GNB5: variants seen among roughly 807,000 people sequenced by gnomAD.
GNB5 encodes the protein guanine nucleotide-binding protein subunit beta-5.
In GNB5, 37 loss-of-function variants were observed where a neutral mutation model predicts 55.3. The ratio of observed to expected loss-of-function variants is 0.67; its 90% CI spans 0.51 to 0.88. The LOEUF (loss-of-function observed/expected upper bound fraction) is 0.88, where lower values mean the gene tolerates loss of function less well. Among genes scored for constraint, GNB5 ranks in the 40% least tolerant of loss-of-function variants. The pLI, the probability that GNB5 is intolerant of heterozygous loss-of-function variation, is 0.00. For synonymous variants in GNB5, 219 were observed against 198.5 expected (o/e 1.10, Z -0.87); for missense variants, 476 against 515.3 (o/e 0.92, Z 0.74).
chr15:52,126,015 C>T lies in GNB5; in HGVS notation c.942G>A (p.Arg314=). The part of the protein sequence containing the change: ...TCRLYDLRAD[R]EVAIYSKESI... ...TTTCTTTGGAATAGATGGCAACCTCCCTATCTGCCCGCAGGTCATAGAGGC... is the reference window on the plus strand; with the variant it reads ...TTTCTTTGGAATAGATGGCAACCTCTCTATCTGCCCGCAGGTCATAGAGGC... Residue 314 remains arginine (R), a synonymous_variant, in exon 11 of 13, where the codon AGG becomes AGA. Transcript: ENST00000261837. 1 of 1,583,720 alleles carries T rather than the reference C, an allele frequency of 6.3e-7. No individual in the cohort carries two copies. The highest frequency in any genetic ancestry group is 8.7e-7 in the Non-Finnish European group (1 of 1,155,032).
At chr15:52,137,237 G>A in intron 7 of GNB5, 1 of 1,162,170 alleles carries the variant, frequency 8.6e-7, no homozygotes. Flanking sequence ...CGCTTGGGGA[G>A]TTGACATCAC....
rs1371270091 is a variant in GNB5, at chr15:52,119,726, G to A, written c.*3031C>T. 6.6e-6 allele frequency: 1 copy of A among 152,106 alleles called. No homozygotes were observed. The highest frequency in any genetic ancestry group is 2.4e-5 in the African/African-American group (1 of 41,384). The allele number at this position is 152,106 out of a possible 1,614,324, so 9.4% of individuals were successfully genotyped here. A position where few individuals can be genotyped will look rare whatever the true frequency, so the allele number is the denominator to read the frequency against. ...ACTCAGATATTATCATATATTCTGT[G>A]ACCGTGACAGAGGTGGGTGTGAATG... On this transcript the variant is annotated 3_prime_UTR_variant, in exon 13 of 13. Coordinates refer to ENST00000261837, the MANE Select transcript of GNB5 (RefSeq NM_016194.4).
chr15:52,169,040 C>G (rs1165639361), intron 3 of GNB5, among the ~76,000 whole-genome samples: 2 of 152,156 alleles, frequency 1.3e-5, no homozygotes, highest in Non-Finnish European at 2.9e-5. Context: ...TAGGCAATAC[C>G]AGGCCGGATG....
At chr15:52,148,030 C>T (rs998987405) in intron 5 of GNB5, among the ~76,000 whole-genome samples, 2 of 149,442 alleles carry the variant, frequency 1.3e-5, no homozygotes, top group African/African-American at 2.5e-5. Context: ...GTCACATATT[C>T]GAAAAGTTAA....
chr15:52,161,823 A>G (rs978885380), intron 3 of GNB5, among the ~76,000 whole-genome samples: 5 of 152,244 alleles, frequency 3.3e-5, no homozygotes, highest in African/African-American at 1.2e-4. Flanking sequence ...ACGGGTCCCA[A>G]CTGGATGGCA....
At chr15:52,158,183 G>A (rs1357421882) in intron 3 of GNB5, among the ~76,000 whole-genome samples, 1 of 152,104 alleles carries the variant, frequency 6.6e-6, no homozygotes, top group African/African-American at 2.4e-5. Flanking sequence ...TAAAAATCCA[G>A]GCTCTGGATT....
intron 3 of GNB5, among the ~76,000 whole-genome samples, chr15:52,167,230 C>G (rs1472187096): frequency 1.3e-5 from 2 of 152,166 alleles, no homozygotes; most frequent in African/African-American, 4.8e-5. Flanking sequence ...AGATTTACAG[C>G]TGAATTTTAC....
In GNB5 at chr15:52,128,205, A is replaced by T; in HGVS notation, c.903T>A (p.Asp301Glu). 1 of 1,609,564 alleles carries T rather than the reference A, an allele frequency of 6.2e-7. No homozygotes were observed. The highest frequency in any genetic ancestry group is 8.5e-7 in the Non-Finnish European group (1 of 1,175,830). ...AAACTTAGAAACATACCGTAGCGTC[A>T]TCTGACCCTGAAGCAAAGGCATCTC... ...PSGDAFASGS[D>E]DATCRLYDLR... Residue 301 changes from aspartate (D) to glutamate (E), a missense_variant, in exon 10 of 13, where the codon GAT becomes GAA. Transcript: ENST00000261837.
At chr15:52,161,860 G>A (rs929252414) in intron 3 of GNB5, among the ~76,000 whole-genome samples, 4 of 152,204 alleles carry the variant, frequency 2.6e-5, no homozygotes, top group African/African-American at 4.8e-5. Flanking sequence ...CATGTGGACC[G>A]GTAGTCTTCA....
rs111248796 is a variant in GNB5 at position 52,135,285 on chromosome 15, A to G, written c.771+328T>C. ...CTCTCTGCTATTTACTTGAGGAATG[A>G]CATTTTAAAATGTGGCAGATATGCA... On this transcript the variant is annotated intron_variant, in intron 8 of 12. Coordinates refer to ENST00000261837, the MANE Select transcript of GNB5 (RefSeq NM_016194.4). 3.4e-3 allele frequency among the ~76,000 whole-genome samples: 519 copies of G among 152,256 alleles called. 4 individuals are homozygous for G. Among genetic ancestry groups the G allele is most frequent in the African/African-American group, 0.012 (499 of 41,552 alleles).
intron 3 of GNB5, among the ~76,000 whole-genome samples, chr15:52,167,721 G>A (rs2034477958): frequency 6.6e-6 from 1 of 151,590 alleles, no homozygotes; most frequent in Non-Finnish European, 1.5e-5. Context: ...TATCCCTGAT[G>A]AACATTGGTG....
intron 3 of GNB5, among the ~76,000 whole-genome samples, chr15:52,162,109 C>T (rs2034348991): frequency 6.6e-6 from 1 of 152,140 alleles, no homozygotes; most frequent in Non-Finnish European, 1.5e-5. Flanking sequence ...AGCCCCCTTG[C>T]TTCTCAGAAA....
intron 6 of GNB5, among the ~76,000 whole-genome samples, chr15:52,143,644 C>T (rs1014650354): frequency 1.3e-5 from 2 of 152,180 alleles, no homozygotes; most frequent in African/African-American, 4.8e-5. Context: ...GAGGGAGACC[C>T]AGGAGCCAGG....
intron 3 of GNB5, among the ~76,000 whole-genome samples, chr15:52,159,200 C>G (rs74015613): frequency 0.02 from 3,033 of 152,206 alleles, 95 homozygotes; most frequent in African/African-American, 0.071. Context: ...ACACCCATGA[C>G]AGAGCTCATT....
chr15:52,179,240 G>C (rs904484916), intron 3 of GNB5, among the ~76,000 whole-genome samples: 4 of 152,160 alleles, frequency 2.6e-5, no homozygotes, highest in Admixed American at 1.3e-4. Flanking sequence ...CCGTCATCCA[G>C]CTCCCCGCCC....
chr15:52,139,665 C>T (rs149273010), intron 7 of GNB5: 9 of 419,714 alleles, frequency 2.1e-5, no homozygotes, highest in Non-Finnish European at 2.8e-5. Context: ...TAGAACACAG[C>T]GGAGCCAAGA....
chr15:52,150,470 T>C (rs2034069189), intron 4 of GNB5, among the ~76,000 whole-genome samples: 1 of 152,182 alleles, frequency 6.6e-6, no homozygotes, highest in South Asian at 2.1e-4. Flanking sequence ...GAGGGGGCTG[T>C]ATGGGCCTGA....
At chr15:52,176,715 A>T (rs530949512) in intron 3 of GNB5, among the ~76,000 whole-genome samples, 1 of 152,272 alleles carries the variant, frequency 6.6e-6, no homozygotes, top group Non-Finnish European at 1.5e-5. Flanking sequence ...ACCCCAGGTC[A>T]CTTACCTCTC....
At position 52,133,364 on chromosome 15, in the gene GNB5, T is replaced by C. The variant is rs2033626276; in HGVS notation, c.863+14A>G. The C allele has an allele frequency of 1.9e-6, 3 of 1,542,834 alleles. No individual in the cohort carries two copies. Among genetic ancestry groups the C allele is most frequent in the Admixed American group, 1.7e-5 (1 of 59,900 alleles). ...GCAGAACAGAGAGGTGGCATGAACA[T>C]TCTACTCACTGACCGGACACTGTTG... On this transcript the variant is annotated intron_variant, in intron 9 of 12. Transcript: ENST00000261837.
Sources: gnomAD v4.1 joint callset for allele counts (sites outside exome capture counted in the v4.1 genomes callset) on GRCh38, gnomAD v4.1.1 for gene constraint, MANE v1.5 for transcripts, NCBI Gene and HGNC (gene_info 2026-07-23, HGNC 2026-07-21) for gene names.